Variants in DTNBP1 observed in about 807,000 individuals in gnomAD.
The protein encoded by DTNBP1 is dysbindin.
In DTNBP1, 35 loss-of-function variants were observed where a neutral mutation model predicts 42.8. The ratio of observed to expected loss-of-function variants is 0.82; its 90% CI spans 0.63 to 1.09. The LOEUF (loss-of-function observed/expected upper bound fraction) is 1.09. DTNBP1 is among the 50% of genes least tolerant of loss of function. The pLI is 0.00. For missense variants in DTNBP1, 457 were observed against 424.2 expected (o/e 1.08, Z -0.68); for synonymous variants, 171 against 162.2 (o/e 1.05, Z -0.41).
At chr6:15,588,252 T>G (rs138703065) in intron 7 of DTNBP1, among the ~76,000 whole-genome samples, 15 of 152,342 alleles carry the variant, frequency 9.8e-5, no homozygotes, top group African/African-American at 3.4e-4. Flanking sequence ...TCAAATCTAA[T>G]AGTTTCCCAA....
chr6:15,533,325 C>T lies in DTNBP1; in HGVS notation c.582G>A (p.Glu194=). The T allele has an allele frequency of 1.9e-6, 3 of 1,614,248 alleles. No homozygotes were observed. The South Asian group carries it at 3.3e-5, about 18-fold the overall frequency. ...MEHTQQMKLK[E]RQKFFEEAFQ... The stretch of plus-strand genomic sequence containing the variant: ...AGGCTTCCTCAAAAAACTTCTGCCG[C>T]TCCTTCAGCTTCATTTGCTGGGTGT... Residue 194 remains glutamate (E), a synonymous_variant, in exon 8 of 10, where the codon GAG becomes GAA. Transcript: ENST00000344537.
chr6:15,605,684 T>C (rs1758006384), intron 6 of DTNBP1, among the ~76,000 whole-genome samples: 1 of 152,182 alleles, frequency 6.6e-6, no homozygotes, highest in African/African-American at 2.4e-5. Context: ...TGGTTTTAAG[T>C]TCTTTATTTT....
intron 6 of DTNBP1, among the ~76,000 whole-genome samples, chr6:15,614,768 C>A (rs1758621226): frequency 6.6e-6 from 1 of 152,176 alleles, no homozygotes; most frequent in African/African-American, 2.4e-5. Context: ...GATAGGGGTA[C>A]ATCATTATCC....
chr6:15,533,720 C>A, intron 7 of DTNBP1: 1 of 503,952 alleles, frequency 2.0e-6, no homozygotes. Flanking sequence ...CTTCTCAGGT[C>A]GTCCTTCTAC....
intron 7 of DTNBP1, among the ~76,000 whole-genome samples, chr6:15,541,274 A>C (rs1024779639): frequency 1.3e-5 from 2 of 152,186 alleles, no homozygotes; most frequent in Non-Finnish European, 2.9e-5. Context: ...TGAAATCATC[A>C]ATTGGGCCTG....
chr6:15,589,482 A>G (rs535426686), intron 7 of DTNBP1, among the ~76,000 whole-genome samples: 16 of 152,330 alleles, frequency 1.1e-4, no homozygotes, highest in African/African-American at 3.8e-4. Flanking sequence ...CAATCATTTC[A>G]ATCATAGTCT....
chr6:15,545,489 A>G (rs1773815090), intron 7 of DTNBP1, among the ~76,000 whole-genome samples: 1 of 152,220 alleles, frequency 6.6e-6, no homozygotes, highest in South Asian at 2.1e-4. Flanking sequence ...GCTCCAACAC[A>G]GACACACACA....
At chr6:15,551,734 A>G (rs1774221818) in intron 7 of DTNBP1, among the ~76,000 whole-genome samples, 1 of 152,186 alleles carries the variant, frequency 6.6e-6, no homozygotes, top group African/African-American at 2.4e-5. Context: ...GTCTTTCAAC[A>G]TGGAAGCTTT....
intron 4 of DTNBP1, among the ~76,000 whole-genome samples, chr6:15,636,083 G>C (rs551642233): frequency 1.2e-4 from 18 of 151,796 alleles, no homozygotes; most frequent in Non-Finnish European, 1.5e-5. Flanking sequence ...GAGGGACCTA[G>C]GTTTAGACAG....
At position 15,662,992 on chromosome 6, in the gene DTNBP1, GC is replaced by G. The variant is rs1562022376; in HGVS notation, c.-124del. The G allele has an allele frequency of 7.2e-7, 1 of 1,389,220 alleles. No individual in the cohort carries two copies. Among genetic ancestry groups the G allele is most frequent in the South Asian group, 1.2e-5 (1 of 84,522 alleles). The allele number at this position is 1,389,220 out of a possible 1,614,324, so 86.1% of individuals were successfully genotyped here. A position where few individuals can be genotyped will look rare whatever the true frequency, so the allele number is the denominator to read the frequency against. Reference sequence around the variant, plus strand: ...GCCCCGCACTCCCACTACCGGCCCCGCCCCCGGTCTGGTCCTCGCCGCCGCG... The same window carrying G: ...GCCCCGCACTCCCACTACCGGCCCCGCCCCGGTCTGGTCCTCGCCGCCGCG... On this transcript the variant is annotated 5_prime_UTR_variant, in exon 1 of 10. Coordinates refer to ENST00000344537, the MANE Select transcript of DTNBP1 (RefSeq NM_032122.5).
chr6:15,606,731 A>G (rs1311244238), intron 6 of DTNBP1, among the ~76,000 whole-genome samples: 1 of 152,240 alleles, frequency 6.6e-6, no homozygotes, highest in Non-Finnish European at 1.5e-5. Context: ...GCACATAAGC[A>G]TATCACATAT....
chr6:15,533,354 C>T lies in DTNBP1; in HGVS notation c.553G>A (p.Glu185Lys), dbSNP rs748965197. 6.2e-7 allele frequency: 1 copy of T among 1,614,200 alleles called. No homozygotes were observed. Among genetic ancestry groups the T allele is most frequent in the Non-Finnish European group, 8.5e-7 (1 of 1,180,048 alleles). The change falls in exon 8 of 10, where the codon GAG (glutamate) becomes AAG (lysine). Residue 185 changes from glutamate (E) to lysine (K), a missense_variant. Physicochemically the swap from Glu to Lys is moderately conservative, Grantham distance 56. Coordinates refer to ENST00000344537, the MANE Select transcript of DTNBP1 (RefSeq NM_032122.5). ...AEHAQKVLEM[E>K]HTQQMKLKER... is the part of the protein sequence containing the mutation. The stretch of plus-strand genomic sequence containing the variant: ...TTCAGCTTCATTTGCTGGGTGTGCT[C>T]CATTTCCAGGACCTTCTGGGCGTGC...
chr6:15,589,827 C>T (rs986409224), intron 7 of DTNBP1, among the ~76,000 whole-genome samples: 4 of 152,098 alleles, frequency 2.6e-5, no homozygotes, highest in African/African-American at 9.7e-5. Context: ...TCAACTATAC[C>T]TCCCCTGACT....
intron 6 of DTNBP1, among the ~76,000 whole-genome samples, chr6:15,605,765 T>C (rs1474855582): frequency 6.6e-6 from 1 of 152,214 alleles, no homozygotes; most frequent in East Asian, 1.9e-4. Flanking sequence ...CAAAAGCTTC[T>C]GCCAGGGGTC....
intron 3 of DTNBP1, among the ~76,000 whole-genome samples, chr6:15,643,874 C>A (rs1367348637): frequency 1.3e-5 from 2 of 152,012 alleles, no homozygotes; most frequent in Non-Finnish European, 2.9e-5. Context: ...AGCAATCGCA[C>A]AATAAAGACC....
At chr6:15,584,699 GTATT>G (rs1428736272) in intron 7 of DTNBP1, among the ~76,000 whole-genome samples, 2 of 122,264 alleles carry the variant, frequency 1.6e-5, no homozygotes, top group East Asian at 2.6e-4. Flanking sequence ...GAGACAACAT[GTATT>G]TCTTTTTTTT....
At chr6:15,534,177 G>A (rs1471928502) in intron 7 of DTNBP1, among the ~76,000 whole-genome samples, 1 of 152,230 alleles carries the variant, frequency 6.6e-6, no homozygotes, top group African/African-American at 2.4e-5. Context: ...TGGGGAGAGG[G>A]CGTGGGAGCT....
rs536171217 is a variant in DTNBP1 at position 15,559,367 on chromosome 6, C to A, written c.512-25972G>T. ...GGTGCCTTATGAGCTGAGTGAAAAT[C>A]AAAAAAATTGTCATTTTGAAGTGTC... On this transcript the variant is annotated intron_variant, in intron 7 of 9. Coordinates refer to ENST00000344537, the MANE Select transcript of DTNBP1 (RefSeq NM_032122.5). 2.0e-5 allele frequency among the ~76,000 whole-genome samples: 3 copies of A among 152,062 alleles called. No homozygotes were observed. The East Asian group carries it at 5.8e-4, about 29-fold the overall frequency.
intron 3 of DTNBP1, among the ~76,000 whole-genome samples, chr6:15,645,689 C>A (rs1054997511): frequency 6.6e-6 from 1 of 151,888 alleles, no homozygotes; most frequent in African/African-American, 2.4e-5. Flanking sequence ...GCAAAAATAA[C>A]ATAATCTTCT....
Sources: allele counts gnomAD v4.1 joint callset (sites outside exome capture counted in the v4.1 genomes callset), GRCh38; gene constraint gnomAD v4.1.1; transcripts MANE v1.5; gene names NCBI Gene and HGNC (gene_info 2026-07-23, HGNC 2026-07-21).